Variants in NXPH1 observed in about 807,000 individuals in gnomAD.
The protein encoded by NXPH1 is neurexophilin-1.
A neutral mutation model predicts 23.7 loss-of-function variants in NXPH1; 5 were observed. The observed-to-expected ratio is 0.21, with a 90% confidence interval of 0.11 to 0.44. The LOEUF is 0.44. Ranked by LOEUF, NXPH1 falls within the 20% of genes least tolerant of loss-of-function variation. The pLI is 0.99. For missense variants in NXPH1, 324 were observed against 321.6 expected (o/e 1.01, Z -0.06); for synonymous variants, 144 against 122.2 (o/e 1.18, Z -1.18).
chr7:8,571,024 ATC>A (rs1818634959), intron 2 of NXPH1, among the ~76,000 whole-genome samples: 3 of 302 alleles, frequency 9.9e-3, no homozygotes, highest in African/African-American at 0.033. Context: ...TGTCTATCTA[ATC>A]TAATCTAATC....
intron 2 of NXPH1, among the ~76,000 whole-genome samples, chr7:8,541,378 G>A (rs1188668978): frequency 6.6e-6 from 1 of 151,568 alleles, no homozygotes; most frequent in African/African-American, 2.4e-5. Context: ...TATAATTAAG[G>A]TCACTGAAGG....
chr7:8,475,662 A>T (rs1816957552), intron 2 of NXPH1, among the ~76,000 whole-genome samples: 2 of 152,010 alleles, frequency 1.3e-5, no homozygotes, highest in African/African-American at 2.4e-5. Flanking sequence ...TTTGGTGGGA[A>T]GCTCTTTTTT....
At chr7:8,479,274 C>T (rs1473617176) in intron 2 of NXPH1, among the ~76,000 whole-genome samples, 1 of 152,090 alleles carries the variant, frequency 6.6e-6, no homozygotes, top group Non-Finnish European at 1.5e-5. Context: ...TCATTAACTT[C>T]ATTGGTGGTG....
At chr7:8,689,862 T>A (rs1487109557) in intron 2 of NXPH1, among the ~76,000 whole-genome samples, 1 of 152,174 alleles carries the variant, frequency 6.6e-6, no homozygotes, top group Non-Finnish European at 1.5e-5. Context: ...TATAATTTAT[T>A]GTCCAAATTG....
chr7:8,571,315 G>T (rs1818642693), intron 2 of NXPH1, among the ~76,000 whole-genome samples: 1 of 151,830 alleles, frequency 6.6e-6, no homozygotes, highest in South Asian at 2.1e-4. Context: ...TGACTGATAT[G>T]GTATGGGGAT....
chr7:8,750,242 C>G (rs1583260955), intron 2 of NXPH1, among the ~76,000 whole-genome samples: 1 of 152,168 alleles, frequency 6.6e-6, no homozygotes, highest in South Asian at 2.1e-4. Flanking sequence ...ACTAACTTTT[C>G]TAATATGACT....
chr7:8,594,894 T>C (rs998404974), intron 2 of NXPH1, among the ~76,000 whole-genome samples: 3 of 152,062 alleles, frequency 2.0e-5, no homozygotes, highest in Admixed American at 6.6e-5. Context: ...TTCCTGAATT[T>C]GCTGCGGGCT....
chr7:8,548,962 A>G (rs1818235854), intron 2 of NXPH1, among the ~76,000 whole-genome samples: 1 of 151,586 alleles, frequency 6.6e-6, no homozygotes, highest in Non-Finnish European at 1.5e-5. Flanking sequence ...GTTGAGGAAT[A>G]TTGGATTATA....
At chr7:8,718,086 A>C (rs958353291) in intron 2 of NXPH1, among the ~76,000 whole-genome samples, 7 of 152,070 alleles carry the variant, frequency 4.6e-5, no homozygotes, top group Admixed American at 3.3e-4. Flanking sequence ...ATTCCTTATG[A>C]TGTGGAACTG....
At chr7:8,548,302 G>A (rs1818225953) in intron 2 of NXPH1, among the ~76,000 whole-genome samples, 2 of 151,528 alleles carry the variant, frequency 1.3e-5, no homozygotes, top group Non-Finnish European at 3.0e-5. Flanking sequence ...TGGTTTCCAT[G>A]TTGGACATCG....
chr7:8,474,311 G>A (rs1369376741), intron 2 of NXPH1, among the ~76,000 whole-genome samples: 1 of 152,062 alleles, frequency 6.6e-6, no homozygotes, highest in African/African-American at 2.4e-5. Context: ...TGGGTGCTGA[G>A]AGAAATGATA....
chr7:8,725,887 T>G (rs1022350639), intron 2 of NXPH1, among the ~76,000 whole-genome samples: 1 of 152,112 alleles, frequency 6.6e-6, no homozygotes, highest in Admixed American at 6.6e-5. Flanking sequence ...AATACTCTGA[T>G]CAGAAAAAGA....
chr7:8,683,394 T>C (rs181481109), intron 2 of NXPH1, among the ~76,000 whole-genome samples: 2 of 152,276 alleles, frequency 1.3e-5, no homozygotes, highest in African/African-American at 4.8e-5. Context: ...CACTCCTTAG[T>C]GTCTTAGAAA....
At chr7:8,710,891 T>C (rs1356959192) in intron 2 of NXPH1, among the ~76,000 whole-genome samples, 1 of 114,764 alleles carries the variant, frequency 8.7e-6, no homozygotes, top group East Asian at 2.9e-4. Context: ...CTCGATCTCC[T>C]GACCTCATGA....
rs1390324571 is a variant in NXPH1 at position 8,716,394 on chromosome 7, G to A, written c.55-34614G>A. On this transcript the variant is annotated intron_variant, in intron 2 of 2. Transcript: ENST00000405863. ...TTGGACCATGGGATTAGGATTAATC[G>A]AGGAGAAAAACGGCACCAATATTGT... 6.6e-5 allele frequency among the ~76,000 whole-genome samples: 10 copies of A among 152,108 alleles called. 1 individual carries two copies. The highest frequency in any genetic ancestry group is 2.6e-4 in the Admixed American group (4 of 15,264).
At chr7:8,572,664 T>C (rs1818670908) in intron 2 of NXPH1, among the ~76,000 whole-genome samples, 1 of 152,002 alleles carries the variant, frequency 6.6e-6, no homozygotes, top group Non-Finnish European at 1.5e-5. Context: ...AAAATCAAAC[T>C]CTATTGCAGG....
rs183154235 is a variant in NXPH1 at position 8,478,078 on chromosome 7, A to T, written c.54+42311A>T. 2.0e-5 allele frequency among the ~76,000 whole-genome samples: 3 copies of T among 152,196 alleles called. 1 individual carries two copies. The highest frequency in any genetic ancestry group is 7.2e-5 in the African/African-American group (3 of 41,522). On this transcript the variant is annotated intron_variant, in intron 2 of 2. Coordinates refer to ENST00000405863, the MANE Select transcript of NXPH1 (RefSeq NM_152745.3). ...ATAAAAAGATGAATGCATGATGACAAGGAGACATTGCAGTTGGAGATTTCT... is the reference window on the plus strand; with the variant it reads ...ATAAAAAGATGAATGCATGATGACATGGAGACATTGCAGTTGGAGATTTCT...
intron 2 of NXPH1, among the ~76,000 whole-genome samples, chr7:8,708,580 T>A (rs1200273047): frequency 1.3e-5 from 2 of 152,108 alleles, no homozygotes; most frequent in African/African-American, 2.4e-5. Flanking sequence ...CAGGCTGGTC[T>A]GTAACTCCTG....
intron 2 of NXPH1, among the ~76,000 whole-genome samples, chr7:8,443,351 C>T (rs1156737024): frequency 2.0e-5 from 3 of 152,252 alleles, no homozygotes; most frequent in African/African-American, 7.2e-5. Flanking sequence ...TCTACCCCTC[C>T]CCCGAAACAG....
Sources: gnomAD v4.1 joint callset for allele counts (sites outside exome capture counted in the v4.1 genomes callset) on GRCh38, gnomAD v4.1.1 for gene constraint, MANE v1.5 for transcripts, NCBI Gene and HGNC (gene_info 2026-07-23, HGNC 2026-07-21) for gene names.